S100Z: variants seen among roughly 807,000 people sequenced by gnomAD.
S100Z encodes protein S100-Z.
Under a neutral mutation model 8.5 loss-of-function variants are expected in S100Z, and 11 were observed. The ratio of observed to expected loss-of-function variants is 1.30; its 90% CI spans 0.82 to 2.15. S100Z has a LOEUF of 2.15. Among genes scored for constraint, S100Z ranks in the 30% most tolerant of loss-of-function variants. The pLI, the probability that S100Z is intolerant of heterozygous loss-of-function variation, is 0.00. For missense variants in S100Z, 126 were observed against 117.9 expected (o/e 1.07, Z -0.32); for synonymous variants, 34 against 43.8 (o/e 0.78, Z 0.89).
At chr5:76,894,028 A>T (rs77800743) in intron 4 of S100Z, among the ~76,000 whole-genome samples, 1 of 152,178 alleles carries the variant, frequency 6.6e-6, no homozygotes, top group Non-Finnish European at 1.5e-5. Flanking sequence ...GGTTCAGGTC[A>T]TGAAGGGAAG....
chr5:76,893,712 G>T (rs2150663476), intron 4 of S100Z, among the ~76,000 whole-genome samples: 1 of 152,264 alleles, frequency 6.6e-6, no homozygotes, highest in South Asian at 2.1e-4. Context: ...ACTAAAAAGA[G>T]ATTCCCTTGA....
At chr5:76,938,339 T>A in the S100Z span, among the ~76,000 whole-genome samples, 7 of 152,066 alleles carry the variant, frequency 4.6e-5, no homozygotes, top group Non-Finnish European at 1.0e-4. Context: ...CAGGGGAAGG[T>A]TAGAGTAGTA....
At chr5:76,872,560 C>T (rs1743048797) in intron 2 of S100Z, among the ~76,000 whole-genome samples, 1 of 152,046 alleles carries the variant, frequency 6.6e-6, no homozygotes. Flanking sequence ...ACTCAGGTGG[C>T]TGAAGCAGGA....
chr5:76,932,595 C>A, the S100Z span, among the ~76,000 whole-genome samples: 1 of 152,156 alleles, frequency 6.6e-6, no homozygotes, highest in African/African-American at 2.4e-5. Context: ...CTCAAGTGAT[C>A]CGCCCGCCTT....
intron 1 of S100Z, among the ~76,000 whole-genome samples, chr5:76,862,991 C>T (rs538485143): frequency 1.3e-5 from 2 of 152,126 alleles, no homozygotes; most frequent in African/African-American, 2.4e-5. Flanking sequence ...GTGTTTTGTT[C>T]AATTCTTTGT....
chr5:76,858,714 A>C (rs1301988045), intron 1 of S100Z, among the ~76,000 whole-genome samples: 2 of 152,226 alleles, frequency 1.3e-5, no homozygotes, highest in Non-Finnish European at 2.9e-5. Flanking sequence ...TAAATGATTA[A>C]GATTGGGAGT....
the S100Z span, among the ~76,000 whole-genome samples, chr5:76,947,547 T>C: frequency 6.6e-6 from 1 of 152,096 alleles, no homozygotes; most frequent in Non-Finnish European, 1.5e-5. Flanking sequence ...CTAAAAGACC[T>C]CAAGTAGCCA....
At position 76,860,648 on chromosome 5, in the gene S100Z, G is replaced by A. The variant is rs114191548; in HGVS notation, c.-175-9518G>A. Among the ~76,000 whole-genome samples the A allele has an allele frequency of 1.3e-3, 193 of 152,246 alleles. 1 individual carries two copies. The highest frequency in any genetic ancestry group is 4.6e-3 in the African/African-American group (190 of 41,534). On this transcript the variant is annotated intron_variant, in intron 1 of 4. Transcript: ENST00000317593. Reference sequence around the variant, plus strand: ...AGGGTAATGCTTTGTGATGTGAGGTGATGCTTCGGAATCAGAAACAATGAT... The same window carrying A: ...AGGGTAATGCTTTGTGATGTGAGGTAATGCTTCGGAATCAGAAACAATGAT...
intron 1 of S100Z, among the ~76,000 whole-genome samples, chr5:76,859,241 G>A (rs545260426): frequency 6.6e-6 from 1 of 152,240 alleles, no homozygotes; most frequent in East Asian, 1.9e-4. Flanking sequence ...AATCAAGATA[G>A]GAGGAATATA....
At chr5:76,887,107 T>A (rs1241933804) in intron 4 of S100Z, among the ~76,000 whole-genome samples, 1 of 151,308 alleles carries the variant, frequency 6.6e-6, no homozygotes, top group Admixed American at 6.6e-5. Context: ...TTTCTTTTTT[T>A]TTTTTTTCGA....
intron 4 of S100Z, among the ~76,000 whole-genome samples, chr5:76,903,605 A>T (rs959236289): frequency 6.6e-6 from 1 of 152,054 alleles, no homozygotes; most frequent in African/African-American, 2.4e-5. Context: ...ATATTTAAAA[A>T]TTTTACCTTT....
At chr5:76,941,737 A>G in the S100Z span, among the ~76,000 whole-genome samples, 2 of 150,836 alleles carry the variant, frequency 1.3e-5, no homozygotes, top group African/African-American at 2.4e-5. Flanking sequence ...TTCTCATGCT[A>G]TCCTCTTTGG....
chr5:76,877,649 T>G, intron 3 of S100Z, 25 bp from the exon 4 acceptor site: 1 of 1,509,770 alleles, frequency 6.6e-7, no homozygotes, highest in Non-Finnish European at 9.2e-7. Context: ...AGCCAGGGAG[T>G]TAGAAATTTC....
At chr5:76,879,095 G>T (rs947915630) in intron 4 of S100Z, among the ~76,000 whole-genome samples, 2 of 152,146 alleles carry the variant, frequency 1.3e-5, no homozygotes, top group Non-Finnish European at 2.9e-5. Flanking sequence ...CAAGCAGAAG[G>T]CTACTGGGAA....
At chr5:76,916,816 C>A (rs1306227300) in intron 4 of S100Z, among the ~76,000 whole-genome samples, 1 of 152,042 alleles carries the variant, frequency 6.6e-6, no homozygotes, top group African/African-American at 2.4e-5. Flanking sequence ...AGCATGAAAT[C>A]CCTGCATTAG....
At chr5:76,897,185 G>C (rs1416897548) in intron 4 of S100Z, among the ~76,000 whole-genome samples, 1 of 152,096 alleles carries the variant, frequency 6.6e-6, no homozygotes, top group Non-Finnish European at 1.5e-5. Flanking sequence ...GGGTGCGGTG[G>C]CTCATGCTTG....
chr5:76,925,406 C>T (rs2150692554), downstream of S100Z, among the ~76,000 whole-genome samples: 1 of 152,280 alleles, frequency 6.6e-6, no homozygotes, highest in Admixed American at 6.5e-5. Flanking sequence ...TGGGAAACTT[C>T]CTCCTGGAAA....
the S100Z span, among the ~76,000 whole-genome samples, chr5:76,947,340 A>C: frequency 6.6e-6 from 1 of 152,242 alleles, no homozygotes; most frequent in Non-Finnish European, 1.5e-5. Context: ...ATTTGGGTTG[A>C]AAATAGCTGG....
At chr5:76,867,873 C>A (rs1051318212) in intron 1 of S100Z, among the ~76,000 whole-genome samples, 1 of 152,308 alleles carries the variant, frequency 6.6e-6, no homozygotes. Flanking sequence ...TGAGCCACTG[C>A]GGCCGGCCAC....
Sources: gnomAD v4.1 joint callset for allele counts (sites outside exome capture counted in the v4.1 genomes callset) on GRCh38, gnomAD v4.1.1 for gene constraint, MANE v1.5 for transcripts, NCBI Gene and HGNC (gene_info 2026-07-23, HGNC 2026-07-21) for gene names.